SCEL: variants seen among roughly 807,000 people sequenced by gnomAD.
SCEL encodes sciellin.
A neutral mutation model predicts 117.6 loss-of-function variants in SCEL; 113 were observed. That is an observed-to-expected ratio of 0.96 (90% CI 0.83 to 1.12). SCEL has a LOEUF of 1.12. Ranked by LOEUF, SCEL falls within the 50% of genes most tolerant of loss-of-function variation. SCEL has a pLI of 0.00. For missense variants in SCEL, 785 were observed against 810.8 expected (o/e 0.97, Z 0.39); for synonymous variants, 270 against 256.2 (o/e 1.05, Z -0.51).
At chr13:77,626,034 A>T (rs1052561110) in intron 27 of SCEL, among the ~76,000 whole-genome samples, 5 of 152,194 alleles carry the variant, frequency 3.3e-5, no homozygotes, top group Non-Finnish European at 5.9e-5. Context: ...GTCTGTTCTC[A>T]TGCTGCCAAT....
rs1022440535 is a variant in SCEL at position 77,536,634 on chromosome 13, A to G, written c.-20+810A>G. 3.9e-5 allele frequency among the ~76,000 whole-genome samples: 6 copies of G among 152,336 alleles called. No homozygotes were observed. In the East Asian group the frequency reaches 1.2e-3, roughly 29 times the overall value. ...AGTTCTTTTAACAGAGCTTTCTTTT[A>G]TAATTAATAGCTAAGCTGACTTGTG... On this transcript the variant is annotated intron_variant, in intron 1 of 32. Coordinates refer to ENST00000349847, the MANE Select transcript of SCEL (RefSeq NM_144777.3).
At chr13:77,635,854 A>T (rs2090254141) in intron 29 of SCEL, among the ~76,000 whole-genome samples, 1 of 152,204 alleles carries the variant, frequency 6.6e-6, no homozygotes, top group Non-Finnish European at 1.5e-5. Flanking sequence ...TGACCTGGGA[A>T]CTTTCTAGAA....
At chr13:77,635,801 C>T (rs184580376) in intron 29 of SCEL, among the ~76,000 whole-genome samples, 2 of 152,148 alleles carry the variant, frequency 1.3e-5, no homozygotes, top group East Asian at 1.9e-4. Context: ...ACATATAGAA[C>T]AGTAATTCTC....
intron 18 of SCEL, among the ~76,000 whole-genome samples, chr13:77,603,791 T>C (rs2087904103): frequency 6.6e-6 from 1 of 152,196 alleles, no homozygotes; most frequent in Non-Finnish European, 1.5e-5. Flanking sequence ...CTCACCATGA[T>C]CCATGATCTA....
intron 1 of SCEL, among the ~76,000 whole-genome samples, chr13:77,550,756 A>G (rs997131951): frequency 6.6e-6 from 1 of 152,164 alleles, no homozygotes; most frequent in African/African-American, 2.4e-5. Flanking sequence ...CTGTGTATCC[A>G]TTCATCCACT....
chr13:77,584,466 C>T (rs1236677121), intron 9 of SCEL, among the ~76,000 whole-genome samples: 1 of 152,186 alleles, frequency 6.6e-6, no homozygotes, highest in Non-Finnish European at 1.5e-5. Context: ...CATAACTGCA[C>T]ATCCATCTTT....
chr13:77,562,307 A>G (rs1184652078), intron 4 of SCEL, among the ~76,000 whole-genome samples: 1 of 152,188 alleles, frequency 6.6e-6, no homozygotes. Context: ...AAGGGGACAG[A>G]TGGCCCTCCG....
chr13:77,554,213 A>G (rs1336307060), intron 1 of SCEL, among the ~76,000 whole-genome samples: 2 of 152,226 alleles, frequency 1.3e-5, no homozygotes, highest in African/African-American at 2.4e-5. Flanking sequence ...GTCACTGGAT[A>G]GAAGTGATTC....
At chr13:77,599,653 A>G (rs1311285234) in intron 14 of SCEL, 36 bp from the exon 15 acceptor site, 2 of 1,466,042 alleles carry the variant, frequency 1.4e-6, no homozygotes, top group East Asian at 4.5e-5. Flanking sequence ...TCATTTCAGT[A>G]TGCAGCCTTT....
chr13:77,558,198 C>G (rs910789888), intron 3 of SCEL, among the ~76,000 whole-genome samples: 1 of 152,154 alleles, frequency 6.6e-6, no homozygotes, highest in Non-Finnish European at 1.5e-5. Context: ...AGGAATGTTG[C>G]TTTTATGCCA....
chr13:77,612,950 A>G lies in SCEL; in HGVS notation c.1388+9A>G, dbSNP rs201709892. The G allele has an allele frequency of 1.3e-6, 2 of 1,522,206 alleles. No homozygotes were observed. Among genetic ancestry groups the G allele is most frequent in the Non-Finnish European group, 1.8e-6 (2 of 1,119,138 alleles). 94.3% of individuals were successfully genotyped at this position (1,522,206 alleles called of 1,614,324 possible). The stretch of plus-strand genomic sequence containing the variant: ...CCTTCAGCAAACAAAAGGTAAACTT[A>G]TTAAGATAATTGAAGACTTCTTAGC... On this transcript the variant is annotated intron_variant, in intron 23 of 32. Coordinates refer to ENST00000349847, the MANE Select transcript of SCEL (RefSeq NM_144777.3).
intron 20 of SCEL, among the ~76,000 whole-genome samples, chr13:77,608,350 A>T (rs934868690): frequency 5.3e-5 from 8 of 152,202 alleles, no homozygotes; most frequent in African/African-American, 9.7e-5. Context: ...CTGTAATCCC[A>T]GCACTTTGGG....
At chr13:77,627,056 T>A (rs1461387648) in intron 27 of SCEL, among the ~76,000 whole-genome samples, 1 of 152,132 alleles carries the variant, frequency 6.6e-6, no homozygotes, top group Admixed American at 6.5e-5. Flanking sequence ...GCCCAAGATA[T>A]AAGAATCAAA....
At chr13:77,591,528 A>G (rs1455185118) in intron 11 of SCEL, 68 bp downstream of exon 11, 4 of 892,776 alleles carry the variant, frequency 4.5e-6, no homozygotes, top group Non-Finnish European at 7.1e-6. Context: ...CAGCACATTA[A>G]AAAATGCAAG....
At chr13:77,620,975 G>A (rs554723491) in intron 27 of SCEL, among the ~76,000 whole-genome samples, 12 of 152,114 alleles carry the variant, frequency 7.9e-5, no homozygotes, top group South Asian at 4.2e-4. Context: ...CAACCTTGAC[G>A]CTTTCTGGTG....
chr13:77,589,115 G>T, intron 9 of SCEL, 29 bp from the exon 10 acceptor site: 1 of 1,517,870 alleles, frequency 6.6e-7, no homozygotes, highest in East Asian at 2.3e-5. Context: ...TTTCCATGGT[G>T]AAATGAACTG....
rs1209498474 is a variant in SCEL, at chr13:77,556,779, CTAAT to C, written c.161+67_161+70del. On this transcript the variant is annotated intron_variant, in intron 3 of 32. Coordinates refer to ENST00000349847, the MANE Select transcript of SCEL (RefSeq NM_144777.3). ...AGAGAGGCATTATCTGTTTGGGAAGCTAATGCTCATCTGAAAAGTGAATACTTTT... is the reference window on the plus strand; with the variant it reads ...AGAGAGGCATTATCTGTTTGGGAAGCGCTCATCTGAAAAGTGAATACTTTT... 9.1e-6 allele frequency: 10 copies of C among 1,097,880 alleles called. No individual in the cohort carries two copies. The Admixed American group carries it at 1.6e-4, about 18-fold the overall frequency. The allele number at this position is 1,097,880 out of a possible 1,614,324, so 68.0% of individuals were successfully genotyped here.
chr13:77,576,696 G>A (rs2085960669), intron 9 of SCEL, among the ~76,000 whole-genome samples: 1 of 152,116 alleles, frequency 6.6e-6, no homozygotes. Context: ...AGTTTAATGG[G>A]AATAGCATTG....
At chr13:77,601,486 A>G (rs948864772) in intron 15 of SCEL, among the ~76,000 whole-genome samples, 2 of 152,208 alleles carry the variant, frequency 1.3e-5, no homozygotes, top group Non-Finnish European at 2.9e-5. Context: ...GGGGGAATTT[A>G]AAGAGATTAG....
Sources: gnomAD v4.1 joint callset for allele counts (sites outside exome capture counted in the v4.1 genomes callset) on GRCh38, gnomAD v4.1.1 for gene constraint, MANE v1.5 for transcripts, NCBI Gene and HGNC (gene_info 2026-07-23, HGNC 2026-07-21) for gene names.